Variants in NCOA2 observed in about 807,000 individuals in gnomAD.
NCOA2 encodes the protein class E basic helix-loop-helix protein 75.
NCOA2 carries 21 observed loss-of-function variants against 145.1 expected under a neutral mutation model. That is an observed-to-expected ratio of 0.14 (90% CI 0.10 to 0.21). NCOA2 has a LOEUF of 0.21. NCOA2 is among the 10% of genes least tolerant of loss of function. NCOA2 has a pLI of 1.00. For synonymous variants in NCOA2, 619 were observed against 637.5 expected, an observed-to-expected ratio of 0.97 and a Z score of 0.44; for missense variants, 1,472 against 1,837.6, an observed-to-expected ratio of 0.80 and a Z score of 3.64.
chr8:70,322,564 A>G (rs1442675976), intron 1 of NCOA2, among the ~76,000 whole-genome samples: 1 of 152,204 alleles, frequency 6.6e-6, no homozygotes, highest in Non-Finnish European at 1.5e-5. Context: ...ACGTATTAGG[A>G]GGTAAAATTC....
chr8:70,417,181 G>A, the NCOA2 span, among the ~76,000 whole-genome samples: 2 of 146,642 alleles, frequency 1.4e-5, no homozygotes, highest in East Asian at 4.2e-4. Flanking sequence ...GCTGAGACAG[G>A]AGGATCTCTT....
chr8:70,275,568 G>C (rs899486014), intron 2 of NCOA2, among the ~76,000 whole-genome samples: 1 of 152,050 alleles, frequency 6.6e-6, no homozygotes, highest in African/African-American at 2.4e-5. Flanking sequence ...GGTTGTCTAT[G>C]TAGTATTACT....
the NCOA2 span, among the ~76,000 whole-genome samples, chr8:70,438,016 A>T: frequency 6.6e-6 from 1 of 152,212 alleles, no homozygotes; most frequent in South Asian, 2.1e-4. Flanking sequence ...ATAATTTTGC[A>T]ACTGTGTAGA....
At chr8:70,428,399 G>A in the NCOA2 span, among the ~76,000 whole-genome samples, 1 of 152,178 alleles carries the variant, frequency 6.6e-6, no homozygotes, top group East Asian at 1.9e-4. Flanking sequence ...GGTTGAGGCT[G>A]CAGTAAGCTA....
At chr8:70,453,645 G>A in the NCOA2 span, among the ~76,000 whole-genome samples, 4 of 152,162 alleles carry the variant, frequency 2.6e-5, no homozygotes, top group African/African-American at 9.7e-5. Flanking sequence ...GTCTCAGTGA[G>A]GCCCTCTCGA....
intron 1 of NCOA2, among the ~76,000 whole-genome samples, chr8:70,377,448 T>C (rs1811785451): frequency 6.6e-6 from 1 of 152,180 alleles, no homozygotes; most frequent in Non-Finnish European, 1.5e-5. Flanking sequence ...ATCCAAAGTA[T>C]GTTACAAAGG....
chr8:70,234,790 G>T (rs1821454952), intron 2 of NCOA2, among the ~76,000 whole-genome samples: 2 of 152,118 alleles, frequency 1.3e-5, no homozygotes, highest in Admixed American at 1.3e-4. Flanking sequence ...AAAAGTAAAA[G>T]CACACACATA....
At position 70,320,615 on chromosome 8, in the gene NCOA2, A is replaced by G. The variant is rs114027582; in HGVS notation, c.-76-23815T>C. 6.6e-3 allele frequency among the ~76,000 whole-genome samples: 1,000 copies of G among 152,278 alleles called. 11 individuals are homozygous for G. Among genetic ancestry groups the G allele is most frequent in the African/African-American group, 0.023 (950 of 41,552 alleles). ...AGGTTTGTGGAAAATGAAACTTGCA[A>G]AAGAAATTTTACATGCAATCAAACT... On this transcript the variant is annotated intron_variant, in intron 1 of 22. Transcript: ENST00000452400.
the NCOA2 span, among the ~76,000 whole-genome samples, chr8:70,456,294 T>C: frequency 6.6e-6 from 1 of 152,126 alleles, no homozygotes; most frequent in Admixed American, 6.5e-5. Context: ...TAAATTTAAT[T>C]CGTCAGAGTG....
At chr8:70,291,256 T>G (rs896169520) in intron 2 of NCOA2, among the ~76,000 whole-genome samples, 1 of 152,322 alleles carries the variant, frequency 6.6e-6, no homozygotes, top group Admixed American at 6.5e-5. Flanking sequence ...GCTGAGAAAT[T>G]ATGGCCCACC....
chr8:70,153,113 A>G (rs1811924481), intron 11 of NCOA2, among the ~76,000 whole-genome samples: 2 of 152,214 alleles, frequency 1.3e-5, no homozygotes. Context: ...TCAAGCTGCA[A>G]TGTTTTTGAT....
chr8:70,320,044 T>C (rs1476420135), intron 1 of NCOA2, among the ~76,000 whole-genome samples: 1 of 152,192 alleles, frequency 6.6e-6, no homozygotes, highest in African/African-American at 2.4e-5. Flanking sequence ...TGAATGTGAA[T>C]AGTATAAATG....
At chr8:70,276,242 G>A (rs1290137993) in intron 2 of NCOA2, among the ~76,000 whole-genome samples, 1 of 151,982 alleles carries the variant, frequency 6.6e-6, no homozygotes, top group African/African-American at 2.4e-5. Flanking sequence ...TAACAGCACT[G>A]CAATTAAAAA....
At chr8:70,294,602 T>C (rs1826941314) in intron 2 of NCOA2, among the ~76,000 whole-genome samples, 1 of 152,206 alleles carries the variant, frequency 6.6e-6, no homozygotes, top group East Asian at 1.9e-4. Flanking sequence ...AAATAATGTT[T>C]GGCTTTTAAA....
At chr8:70,209,892 C>T (rs7825583) in intron 4 of NCOA2, among the ~76,000 whole-genome samples, 8,645 of 152,152 alleles carry the variant, frequency 0.057, 816 homozygotes, top group African/African-American at 0.2. Context: ...CTGAGGTATG[C>T]CTGTGCTTAC....
At chr8:70,180,020 A>G (rs1162611926) in intron 4 of NCOA2, among the ~76,000 whole-genome samples, 1 of 152,150 alleles carries the variant, frequency 6.6e-6, no homozygotes, top group Non-Finnish European at 1.5e-5. Flanking sequence ...GGCTCAAGCA[A>G]TCTTCTCGCC....
chr8:70,164,242 C>CA (rs1813368857), intron 7 of NCOA2, among the ~76,000 whole-genome samples: 1 of 152,144 alleles, frequency 6.6e-6, no homozygotes, highest in African/African-American at 2.4e-5. Context: ...CACCTTGCTT[C>CA]AACTGTCTTA....
At chr8:70,207,629 C>G (rs1418861126) in intron 4 of NCOA2, among the ~76,000 whole-genome samples, 4 of 151,954 alleles carry the variant, frequency 2.6e-5, no homozygotes, top group Non-Finnish European at 5.9e-5. Flanking sequence ...TCTGGGAGGC[C>G]AAGGCGGGTG....
chr8:70,309,646 T>TC (rs1828154555), intron 1 of NCOA2, among the ~76,000 whole-genome samples: 1 of 151,964 alleles, frequency 6.6e-6, no homozygotes, highest in Non-Finnish European at 1.5e-5. Context: ...ATTTTTTTTT[T>TC]CCCCACAAAA....
Sources: gnomAD v4.1 joint callset for allele counts (sites outside exome capture counted in the v4.1 genomes callset) on GRCh38, gnomAD v4.1.1 for gene constraint, MANE v1.5 for transcripts, NCBI Gene and HGNC (gene_info 2026-07-23, HGNC 2026-07-21) for gene names.